The following CDH23 variants were observed in gnomAD, a reference collection of about 807,000 sequenced individuals.
CDH23 encodes the protein cadherin related 23.
In CDH23, 189 loss-of-function variants were observed where a neutral mutation model predicts 317.1. The observed-to-expected ratio is 0.60, with a 90% CI of 0.53 to 0.67. The LOEUF is 0.67. Ranked by LOEUF, CDH23 falls within the 30% of genes least tolerant of loss-of-function variation. The pLI is 0.00. For synonymous variants in CDH23, 1,839 were observed against 1,876.8 expected (o/e 0.98, Z 0.52); for missense variants, 4,401 against 4,592.4 (o/e 0.96, Z 1.20).
chr10:71,725,659 G>C, intron 30 of CDH23, 139 bp downstream of exon 30: 2 of 1,052,726 alleles, frequency 1.9e-6, no homozygotes, highest in Non-Finnish European at 2.7e-6. Flanking sequence ...TGGGCCTAAG[G>C]GTTCGGTGAC....
rs376617494 is a variant in CDH23 at position 71,802,967 on chromosome 10, G to A, written c.7552G>A (p.Val2518Met). The part of the protein sequence containing the change: ...QFSKPQFSTS[V>M]YENEPAGTSV... ...CTCCAAGCCCCAGTTCAGCACAAGC[G>A]TGTATGAGAATGAGCCGGCGGGCAC... is the stretch of plus-strand genomic sequence containing the variant. Residue 2518 changes from valine to methionine, a missense_variant, in exon 54 of 70, where the codon GTG becomes ATG. Val to Met is a conservative substitution (Grantham distance 21, BLOSUM62 1). Transcript: ENST00000224721. 9.9e-5 allele frequency: 159 copies of A among 1,614,042 alleles called. No homozygotes were observed. In the Middle Eastern group the frequency reaches 2.3e-3, roughly 23 times the overall value.
chr10:71,574,978 C>T (rs943599228), intron 8 of CDH23, among the ~76,000 whole-genome samples: 1 of 151,948 alleles, frequency 6.6e-6, no homozygotes, highest in African/African-American at 2.4e-5. Context: ...CCATGTGACT[C>T]TCAGCAAATC....
intron 38 of CDH23, among the ~76,000 whole-genome samples, chr10:71,770,818 T>A (rs1368175770): frequency 6.6e-6 from 1 of 152,118 alleles, no homozygotes; most frequent in African/African-American, 2.4e-5. Flanking sequence ...GGTGGAAGCA[T>A]GAACAACTAG....
chr10:71,716,106 G>T (rs753593250), intron 28 of CDH23: 1 of 1,544,006 alleles, frequency 6.5e-7, no homozygotes, highest in Non-Finnish European at 8.8e-7. Context: ...CTCCCAGGGT[G>T]GTGGGGCATG....
chr10:71,520,008 A>G (rs1169985423), intron 6 of CDH23, among the ~76,000 whole-genome samples: 1 of 152,156 alleles, frequency 6.6e-6, no homozygotes, highest in Non-Finnish European at 1.5e-5. Flanking sequence ...GGGTCTCACC[A>G]CGCTGCCCAG....
chr10:71,753,115 C>T (rs972582588), intron 38 of CDH23: 34 of 1,272,604 alleles, frequency 2.7e-5, no homozygotes, highest in Non-Finnish European at 3.1e-5. Flanking sequence ...CCAGGAGGGC[C>T]CTGCACAGCT....
At chr10:71,621,087 G>C (rs1250995284) in intron 11 of CDH23, among the ~76,000 whole-genome samples, 5 of 152,220 alleles carry the variant, frequency 3.3e-5, no homozygotes, top group African/African-American at 1.2e-4. Flanking sequence ...GTTAAACATT[G>C]CCTGAGTGTC....
In CDH23 at chr10:71,797,226, G is replaced by T. The variant is rs377616243; in HGVS notation, c.6829+6G>T. ...CTCTGTCAGTGTGCCAAATGGTAAG[G>T]TTCCCTGCAGACATCTCTCATTGGT... is the stretch of plus-strand genomic sequence containing the variant. On this transcript the variant is annotated splice_donor_region_variant and intron_variant, in intron 49 of 69. Coordinates refer to ENST00000224721, the MANE Select transcript of CDH23 (RefSeq NM_022124.6). 1.3e-5 allele frequency: 20 copies of T among 1,591,464 alleles called. No individual in the cohort carries two copies. Among genetic ancestry groups the T allele is most frequent in the Non-Finnish European group, 1.7e-5 (20 of 1,162,100 alleles).
intron 34 of CDH23, among the ~76,000 whole-genome samples, chr10:71,737,461 G>C (rs1481590060): frequency 1.3e-5 from 2 of 152,224 alleles, no homozygotes; most frequent in African/African-American, 4.8e-5. Context: ...CTACAGATAG[G>C]GGAGTGTGGC....
Position 71,812,027 on chromosome 10 carries a change from A to T in CDH23, c.9380+12A>T. 2 of 1,613,968 alleles carry T rather than the reference A, an allele frequency of 1.2e-6. No homozygotes were observed. The highest frequency in any genetic ancestry group is 4.5e-5 in the East Asian group (2 of 44,868). ...TACTCCTTTGATGGGTGAGTGGGGT[A>T]CTGGCCCTGCCCGGTCCCCTGCGGG... On this transcript the variant is annotated intron_variant, in intron 66 of 69. Transcript: ENST00000224721.
At chr10:71,743,835 A>G (rs991856487) in intron 38 of CDH23, among the ~76,000 whole-genome samples, 2 of 152,230 alleles carry the variant, frequency 1.3e-5, no homozygotes, top group African/African-American at 4.8e-5. Flanking sequence ...CAAAAATTCT[A>G]CAGAGAATGT....
rs532955949 is a variant in CDH23 at position 71,560,920 on chromosome 10, G to T, written c.430-5822G>T. On this transcript the variant is annotated intron_variant, in intron 6 of 69. Transcript: ENST00000224721. ...CATAAATATTAATAACACCTTTAGAGATGGCACCTATGGTGGAAATGGTAG... is the reference window on the plus strand; with the variant it reads ...CATAAATATTAATAACACCTTTAGATATGGCACCTATGGTGGAAATGGTAG... 1.3e-4 allele frequency among the ~76,000 whole-genome samples: 20 copies of T among 152,358 alleles called. No individual in the cohort carries two copies. In the South Asian group the frequency reaches 4.1e-3, roughly 32 times the overall value.
At chr10:71,677,924 C>T (rs1864444337) in intron 16 of CDH23, among the ~76,000 whole-genome samples, 1 of 152,148 alleles carries the variant, frequency 6.6e-6, no homozygotes, top group Admixed American at 6.5e-5. Context: ...AGCCACCGTG[C>T]CTAGCCTGTG....
At chr10:71,446,084 G>T (rs538906108) in intron 2 of CDH23, among the ~76,000 whole-genome samples, 30 of 152,314 alleles carry the variant, frequency 2.0e-4, no homozygotes, top group African/African-American at 6.5e-4. Context: ...TGCTCAGCAG[G>T]CACGTGTGGC....
intron 28 of CDH23, among the ~76,000 whole-genome samples, chr10:71,718,427 A>G (rs1016508943): frequency 3.5e-5 from 5 of 141,586 alleles, no homozygotes; most frequent in African/African-American, 1.3e-4. Flanking sequence ...GCCTGGCTGG[A>G]AAGTGTGATG....
chr10:71,443,873 A>G (rs1850023841), intron 2 of CDH23, among the ~76,000 whole-genome samples: 1 of 152,272 alleles, frequency 6.6e-6, no homozygotes, highest in Non-Finnish European at 1.5e-5. Context: ...CTCTGGGAAC[A>G]CAGGTCCTGT....
intron 3 of CDH23, among the ~76,000 whole-genome samples, chr10:71,504,026 T>C (rs1377228574): frequency 6.6e-6 from 1 of 151,130 alleles, no homozygotes; most frequent in Non-Finnish European, 1.5e-5. Flanking sequence ...AATGGTCAAT[T>C]TAAGGTTTTT....
rs1428228423 is a variant in CDH23, at chr10:71,638,480, G to A, written c.1135-5381G>A. On this transcript the variant is annotated intron_variant, in intron 11 of 69. Transcript: ENST00000224721. ...GGCTCAGGCCTCCCTCCCTTTGGGG[G>A]CCCAGGCCACCTGCAGCGGAATGCG... is the stretch of plus-strand genomic sequence containing the variant. Among the ~76,000 whole-genome samples, 5 of 152,174 alleles carry A rather than the reference G, an allele frequency of 3.3e-5. No homozygotes were observed. In the East Asian group the frequency reaches 7.7e-4, roughly 23 times the overall value.
At chr10:71,758,290 C>T (rs1840201001) in intron 38 of CDH23, among the ~76,000 whole-genome samples, 1 of 152,192 alleles carries the variant, frequency 6.6e-6, no homozygotes, top group Non-Finnish European at 1.5e-5. Flanking sequence ...CCCATTCCGG[C>T]TTAGGTCCTC....
Sources: allele counts gnomAD v4.1 joint callset (sites outside exome capture counted in the v4.1 genomes callset), GRCh38; gene constraint gnomAD v4.1.1; transcripts MANE v1.5; gene names NCBI Gene and HGNC (gene_info 2026-07-23, HGNC 2026-07-21).